The following MAPK10 variants were observed in gnomAD, a reference collection of about 807,000 sequenced individuals.
MAPK10 encodes JNK3 alpha protein kinase.
MAPK10 carries 25 observed loss-of-function variants against 59.3 expected under a neutral mutation model. That is an observed-to-expected ratio of 0.42 (90% CI 0.31 to 0.59). The LOEUF (loss-of-function observed/expected upper bound fraction) is 0.59. Among genes scored for constraint, MAPK10 ranks in the 20% least tolerant of loss-of-function variants. The pLI is 0.15. For missense variants in MAPK10, 351 were observed against 568.9 expected, an observed-to-expected ratio of 0.62 and a Z score of 3.90; for synonymous variants, 190 against 200.5, an observed-to-expected ratio of 0.95 and a Z score of 0.44.
chr4:86,208,176 A>G (rs2084698962), intron 2 of MAPK10, among the ~76,000 whole-genome samples: 1 of 152,096 alleles, frequency 6.6e-6, no homozygotes, highest in African/African-American at 2.4e-5. Context: ...AGGAATTGGT[A>G]CCATTCCTTC....
chr4:86,077,138 G>A (rs995570078), intron 9 of MAPK10, among the ~76,000 whole-genome samples: 9 of 151,994 alleles, frequency 5.9e-5, no homozygotes, highest in Non-Finnish European at 5.9e-5. Context: ...TATAAGTAGG[G>A]CATGATGTCC....
chr4:86,351,621 C>T (rs1442913136), intron 2 of MAPK10, among the ~76,000 whole-genome samples: 1 of 151,822 alleles, frequency 6.6e-6, no homozygotes, highest in Non-Finnish European at 1.5e-5. Context: ...TAGATGTTCT[C>T]CCTGGTTCCA....
intron 1 of MAPK10, among the ~76,000 whole-genome samples, chr4:86,418,216 A>G (rs1309338535): frequency 6.6e-6 from 1 of 152,224 alleles, no homozygotes; most frequent in African/African-American, 2.4e-5. Context: ...CAGCATATTG[A>G]GAGCATGTAC....
chr4:86,537,025 A>C (rs1013088553), intron 1 of MAPK10, among the ~76,000 whole-genome samples: 1 of 152,132 alleles, frequency 6.6e-6, no homozygotes, highest in Non-Finnish European at 1.5e-5. Context: ...GGGCAGGGTG[A>C]GGAGGGTACG....
intron 2 of MAPK10, among the ~76,000 whole-genome samples, chr4:86,242,591 T>C (rs1217115701): frequency 6.6e-6 from 1 of 152,164 alleles, no homozygotes; most frequent in African/African-American, 2.4e-5. Context: ...TGAGGAAGGA[T>C]GGGTCAGGGT....
rs1260423766 is a variant in MAPK10 at position 86,359,286 on chromosome 4, C to CTGTGTGTGTG, written c.-122+371_-122+372insCACACACACA. Among the ~76,000 whole-genome samples the CTGTGTGTGTG allele has an allele frequency of 5.5e-4, 65 of 118,094 alleles. 1 individual carries two copies. The highest frequency in any genetic ancestry group is 2.4e-3 in the African/African-American group (65 of 26,774). 77.5% of individuals were successfully genotyped at this position (118,094 alleles called of 152,430 possible). On this transcript the variant is annotated intron_variant, in intron 1 of 13. Coordinates refer to ENST00000641462, the MANE Select transcript of MAPK10 (RefSeq NM_138982.4). ...TTCCTCTCTCTCTCTCTCTCTCTCT[C>CTGTGTGTGTG]TCTGTGTGTGTGTGTGTGTGTGTGT...
At chr4:86,180,010 G>A (rs1200481283) in intron 3 of MAPK10, among the ~76,000 whole-genome samples, 1 of 151,930 alleles carries the variant, frequency 6.6e-6, no homozygotes, top group East Asian at 1.9e-4. Flanking sequence ...AAAAGCTTTT[G>A]CACAGCAAAG....
chr4:86,162,506 G>T (rs1301143566), intron 3 of MAPK10, among the ~76,000 whole-genome samples: 1 of 152,054 alleles, frequency 6.6e-6, no homozygotes, highest in Non-Finnish European at 1.5e-5. Context: ...ATAAGGTTGT[G>T]ATGGTCTTGG....
intron 2 of MAPK10, among the ~76,000 whole-genome samples, chr4:86,319,494 C>T (rs2095849955): frequency 6.6e-6 from 1 of 152,180 alleles, no homozygotes; most frequent in Non-Finnish European, 1.5e-5. Context: ...GCAGTGCAAT[C>T]ACATGATATT....
chr4:86,087,423 G>T (rs956585172), intron 9 of MAPK10, among the ~76,000 whole-genome samples: 1 of 152,018 alleles, frequency 6.6e-6, no homozygotes, highest in Non-Finnish European at 1.5e-5. Flanking sequence ...AATTCATTGG[G>T]AATAAAAGAA....
chr4:86,165,641 T>G (rs1265602572), intron 3 of MAPK10, among the ~76,000 whole-genome samples: 2 of 139,658 alleles, frequency 1.4e-5, no homozygotes, highest in Non-Finnish European at 3.1e-5. Flanking sequence ...CCTCAAACAA[T>G]TCTCCCGCCT....
chr4:86,214,522 A>C (rs1563182027), intron 2 of MAPK10, among the ~76,000 whole-genome samples: 1 of 149,522 alleles, frequency 6.7e-6, no homozygotes, highest in East Asian at 1.9e-4. Flanking sequence ...AAAAAAAAAA[A>C]AAAAAAAAAA....
At chr4:86,447,983 G>A (rs532817575) in intron 1 of MAPK10, among the ~76,000 whole-genome samples, 2 of 152,260 alleles carry the variant, frequency 1.3e-5, no homozygotes, top group South Asian at 4.1e-4. Context: ...TTAGAAGCAA[G>A]TTAGTTGTGC....
intron 1 of MAPK10, among the ~76,000 whole-genome samples, chr4:86,552,787 T>G (rs536172187): frequency 2.0e-5 from 3 of 152,122 alleles, no homozygotes; most frequent in Non-Finnish European, 4.4e-5. Context: ...AATGTTTCCC[T>G]CCAAGGCAAA....
intron 1 of MAPK10, among the ~76,000 whole-genome samples, chr4:86,575,998 C>CGTGTGTGTGTGTGTGTGTGT (rs56886437): frequency 0.015 from 2,229 of 147,348 alleles, 33 homozygotes; most frequent in Non-Finnish European, 0.024. Flanking sequence ...TGTGTGTATG[C>CGTGTGTGTGTGTGTGTGTGT]GTGTGTGTGT....
intron 11 of MAPK10, among the ~76,000 whole-genome samples, chr4:86,058,685 A>G (rs2045123954): frequency 1.3e-5 from 2 of 149,458 alleles, no homozygotes; most frequent in African/African-American, 5.0e-5. Context: ...TTGCAATATG[A>G]GAACATCCTT....
intron 1 of MAPK10, among the ~76,000 whole-genome samples, chr4:86,584,486 C>G (rs562696401): frequency 6.6e-6 from 1 of 152,110 alleles, no homozygotes; most frequent in Admixed American, 6.5e-5. Context: ...ACTCTGTCAC[C>G]AGGCTGGAGT....
chr4:86,482,485 G>A (rs544794774), intron 1 of MAPK10, among the ~76,000 whole-genome samples: 1 of 152,088 alleles, frequency 6.6e-6, no homozygotes, highest in Non-Finnish European at 1.5e-5. Context: ...TTGAAGGATG[G>A]TGGGGGGATG....
intron 2 of MAPK10, among the ~76,000 whole-genome samples, chr4:86,235,258 C>T (rs1466962446): frequency 6.6e-6 from 1 of 152,172 alleles, no homozygotes; most frequent in Non-Finnish European, 1.5e-5. Flanking sequence ...CATTCTTACT[C>T]GATCAAAAGG....
Sources: gnomAD v4.1 joint callset for allele counts (sites outside exome capture counted in the v4.1 genomes callset) on GRCh38, gnomAD v4.1.1 for gene constraint, MANE v1.5 for transcripts, NCBI Gene and HGNC (gene_info 2026-07-23, HGNC 2026-07-21) for gene names.